The following NHSL3 variants were observed in gnomAD, a reference collection of about 807,000 sequenced individuals.
NHSL3 encodes NHS like 3, also known as NHS-like protein 3.
At chr1:32,765,614 G>C in the NHSL3 span, 2 of 1,516,564 alleles carry the variant, frequency 1.3e-6, no homozygotes, top group African/African-American at 2.7e-5. Context: ...GACATGGAGA[G>C]CAGCCCCTCC....
At chr1:32,754,112 G>A in the NHSL3 span, 1 of 710,328 alleles carries the variant, frequency 1.4e-6, no homozygotes, top group Non-Finnish European at 2.6e-6. Flanking sequence ...CACCACAAGA[G>A]GAAGGCCCCC....
chr1:32,765,040 T>C, the NHSL3 span, among the ~76,000 whole-genome samples: 1 of 152,230 alleles, frequency 6.6e-6, no homozygotes, highest in Non-Finnish European at 1.5e-5. Flanking sequence ...CAAGATTAAG[T>C]GTGATCTTGG....
chr1:32,769,709 C>T, the NHSL3 span: 1 of 1,613,996 alleles, frequency 6.2e-7, no homozygotes, highest in African/African-American at 1.3e-5. Flanking sequence ...TTTCCCAAAT[C>T]TGGAAAGTCA....
chr1:32,754,281 T>G, the NHSL3 span: 6 of 591,626 alleles, frequency 1.0e-5, no homozygotes, highest in African/African-American at 5.9e-5. Context: ...GGTGTGAGTG[T>G]GGGGGGGTCG....
At chr1:32,768,844 T>C in the NHSL3 span, 3 of 1,557,458 alleles carry the variant, frequency 1.9e-6, no homozygotes, top group Non-Finnish European at 2.6e-6. Context: ...CTTCTTTTCC[T>C]CCTTATCCAG....
At chr1:32,755,474 C>A in the NHSL3 span, among the ~76,000 whole-genome samples, 1 of 152,118 alleles carries the variant, frequency 6.6e-6, no homozygotes, top group Non-Finnish European at 1.5e-5. Flanking sequence ...GGGGACCTCT[C>A]CTCTCAATGA....
chr1:32,771,671 G>A, the NHSL3 span: 1 of 1,611,298 alleles, frequency 6.2e-7, no homozygotes, highest in Non-Finnish European at 8.5e-7. Flanking sequence ...CAGCCCCCGG[G>A]TAGCCCAGAC....
At chr1:32,754,063 G>A in the NHSL3 span, 2 of 653,700 alleles carry the variant, frequency 3.1e-6, no homozygotes, top group African/African-American at 3.8e-5. Context: ...CCGCGCTTGG[G>A]TTCCCGCGCC....
At chr1:32,762,978 A>ATTTT in the NHSL3 span, among the ~76,000 whole-genome samples, 5 of 126,166 alleles carry the variant, frequency 4.0e-5, no homozygotes, top group Non-Finnish European at 6.6e-5. Context: ...CTAGCCTGGA[A>ATTTT]TTTTTTTTTT....
At chr1:32,772,123 C>G in the NHSL3 span, 1 of 1,613,292 alleles carries the variant, frequency 6.2e-7, no homozygotes, top group Non-Finnish European at 8.5e-7. Flanking sequence ...TAGGAAGCTG[C>G]AGCTGGAGCG....
the NHSL3 span, chr1:32,772,260 C>A: frequency 1.2e-6 from 2 of 1,602,844 alleles, no homozygotes; most frequent in South Asian, 2.2e-5. Context: ...CTGTGGCCCG[C>A]AAGCCGTCTG....
At chr1:32,768,567 C>T in the NHSL3 span, 4 of 1,550,252 alleles carry the variant, frequency 2.6e-6, no homozygotes, top group South Asian at 4.7e-5. Flanking sequence ...TGCACTCCAG[C>T]CTGAGCTGGA....
the NHSL3 span, chr1:32,772,787 G>A: frequency 2.2e-6 from 3 of 1,361,778 alleles, no homozygotes; most frequent in Non-Finnish European, 2.1e-6. Context: ...TTGGGTGAGG[G>A]TATGCTTTGT....
the NHSL3 span, chr1:32,770,204 T>C: frequency 2.5e-6 from 4 of 1,604,798 alleles, no homozygotes; most frequent in Non-Finnish European, 2.6e-6. This position sits in a 1 kb window ranked among gnomAD's most constrained non-coding sequence, Gnocchi z 8.3. Flanking sequence ...AGCCCGGCCA[T>C]GTCCATCTCC....
chr1:32,765,496 G>T, the NHSL3 span: 1 of 667,564 alleles, frequency 1.5e-6, no homozygotes, highest in Non-Finnish European at 2.5e-6. Context: ...CTCTACTGGA[G>T]CAGAGCACCC....
chr1:32,762,356 T>C, the NHSL3 span, among the ~76,000 whole-genome samples: 1 of 152,246 alleles, frequency 6.6e-6, no homozygotes, highest in Non-Finnish European at 1.5e-5. Context: ...GGTGGGATAC[T>C]GCACAGATAC....
chr1:32,746,608 C>T, the NHSL3 span, among the ~76,000 whole-genome samples: 1 of 152,182 alleles, frequency 6.6e-6, no homozygotes, highest in African/African-American at 2.4e-5. Flanking sequence ...CCCGAGGTCA[C>T]TCAGCTTCAT....
the NHSL3 span, chr1:32,772,444 A>G: frequency 2.0e-6 from 3 of 1,519,634 alleles, no homozygotes; most frequent in Admixed American, 2.2e-5. Flanking sequence ...GGGCTCAGGT[A>G]CAGTGGGCAG....
At chr1:32,773,204 T>G in the NHSL3 span, 1 of 482,142 alleles carries the variant, frequency 2.1e-6, no homozygotes, top group Non-Finnish European at 3.8e-6. Context: ...GGCTGCAGAG[T>G]TGGGAGCAGG....
Sources: gnomAD v4.1 joint callset for allele counts (sites outside exome capture counted in the v4.1 genomes callset) on GRCh38, gnomAD v4.1.1 for gene constraint, Gnocchi (gnomAD v3.1) non-coding constraint, MANE v1.5 for transcripts, NCBI Gene and HGNC (gene_info 2026-07-23, HGNC 2026-07-21) for gene names.